Variants in FMNL2 observed in about 807,000 individuals in gnomAD.
The protein encoded by FMNL2 is formin-like protein 2.
Under a neutral mutation model 130.2 loss-of-function variants are expected in FMNL2, and 51 were observed. The ratio of observed to expected loss-of-function variants is 0.39; its 90% CI spans 0.31 to 0.49. FMNL2 has a LOEUF of 0.49. Among genes scored for constraint, FMNL2 ranks in the 20% least tolerant of loss-of-function variants. The pLI is 0.85. For synonymous variants in FMNL2, 465 were observed against 467.1 expected, an observed-to-expected ratio of 1.00 and a Z score of 0.06; for missense variants, 977 against 1,316.2, an observed-to-expected ratio of 0.74 and a Z score of 3.99.
intron 1 of FMNL2, among the ~76,000 whole-genome samples, chr2:152,452,768 A>C (rs1040250817): frequency 6.6e-6 from 1 of 151,936 alleles, no homozygotes; most frequent in East Asian, 1.9e-4. Flanking sequence ...CGAGGGCCCG[A>C]TGGGGAGGGC....
intron 2 of FMNL2, among the ~76,000 whole-genome samples, chr2:152,532,611 ATT>A (rs58777501): frequency 9.2e-4 from 126 of 136,930 alleles, no homozygotes; most frequent in South Asian, 1.8e-3. Context: ...TTTTTTTCTT[ATT>A]TTTTTTTTTT....
intron 1 of FMNL2, among the ~76,000 whole-genome samples, chr2:152,402,216 A>G (rs945957278): frequency 3.3e-5 from 5 of 152,210 alleles, no homozygotes; most frequent in Middle Eastern, 3.4e-3. Context: ...TTGATCTTTT[A>G]AAAGCCCATA....
intron 1 of FMNL2, among the ~76,000 whole-genome samples, chr2:152,488,992 G>A (rs185660886): frequency 3.3e-4 from 51 of 152,254 alleles, no homozygotes; most frequent in African/African-American, 1.1e-3. Flanking sequence ...GATACCTTGA[G>A]CCCAGGAGGT....
chr2:152,601,019 G>A (rs887597969), intron 9 of FMNL2, among the ~76,000 whole-genome samples: 2 of 152,034 alleles, frequency 1.3e-5, no homozygotes, highest in Non-Finnish European at 2.9e-5. Flanking sequence ...AATTTTAGAC[G>A]TTCAAGAATA....
At chr2:152,548,943 G>A in intron 3 of FMNL2, 78 bp from the exon 4 acceptor site, 1 of 1,146,402 alleles carries the variant, frequency 8.7e-7, no homozygotes, top group Non-Finnish European at 1.2e-6. Context: ...TTCATATTGT[G>A]TTAAATTTAT....
At chr2:152,384,233 G>A (rs1684657584) in intron 1 of FMNL2, among the ~76,000 whole-genome samples, 1 of 152,142 alleles carries the variant, frequency 6.6e-6, no homozygotes, top group Admixed American at 6.5e-5. Context: ...TACTCAGGTT[G>A]GAAACAAGGA....
At position 152,399,441 on chromosome 2, in the gene FMNL2, A is replaced by G. The variant is rs190008520; in HGVS notation, c.117+63721A>G. 1.8e-3 allele frequency among the ~76,000 whole-genome samples: 281 copies of G among 152,292 alleles called. 1 individual carries two copies. The highest frequency in any genetic ancestry group is 6.4e-3 in the African/African-American group (265 of 41,576). ...GGACGTGGGTGAGGAGCAGCTTATT[A>G]AGTATTTTCTTCATAGTATTGAAAG... On this transcript the variant is annotated intron_variant, in intron 1 of 25. Transcript: ENST00000288670.
chr2:152,444,495 T>G (rs1467322710), intron 1 of FMNL2, among the ~76,000 whole-genome samples: 2 of 152,222 alleles, frequency 1.3e-5, no homozygotes, highest in African/African-American at 4.8e-5. Flanking sequence ...ACTACTTTCA[T>G]TTAGAGATAT....
At chr2:152,502,479 G>C (rs1011655456) in intron 1 of FMNL2, among the ~76,000 whole-genome samples, 4 of 152,222 alleles carry the variant, frequency 2.6e-5, no homozygotes, top group Non-Finnish European at 5.9e-5. Flanking sequence ...CTGAGGTCAG[G>C]AGTCTGAGAC....
chr2:152,540,640 A>G (rs975957030), intron 2 of FMNL2, among the ~76,000 whole-genome samples: 4 of 141,002 alleles, frequency 2.8e-5, no homozygotes, highest in Admixed American at 7.7e-5. Context: ...GAATTGAACA[A>G]TGAGATCACA....
At chr2:152,631,407 A>AAC (rs1490820494) in intron 20 of FMNL2, among the ~76,000 whole-genome samples, 1 of 151,744 alleles carries the variant, frequency 6.6e-6, no homozygotes, top group East Asian at 1.9e-4. Flanking sequence ...AAAAAAAAAA[A>AAC]AAAAAAAATA....
intron 4 of FMNL2, 77 bp downstream of exon 4, chr2:152,549,174 T>C: frequency 7.1e-6 from 7 of 991,334 alleles, no homozygotes; most frequent in South Asian, 3.9e-5. Context: ...ACCCAAAGAA[T>C]TGAGCTTCCT....
chr2:152,626,407 C>A, intron 16 of FMNL2, 118 bp from the exon 17 acceptor site: 2 of 789,740 alleles, frequency 2.5e-6, no homozygotes, highest in Non-Finnish European at 4.0e-6. Flanking sequence ...GAAGCCATGG[C>A]CAAAGACAAG....
chr2:152,473,931 G>C (rs1689992457), intron 1 of FMNL2, among the ~76,000 whole-genome samples: 1 of 152,138 alleles, frequency 6.6e-6, no homozygotes, highest in South Asian at 2.1e-4. Flanking sequence ...CTGGAGTGCA[G>C]TGACGCAATC....
At chr2:152,362,339 A>G (rs773825536) in intron 1 of FMNL2, among the ~76,000 whole-genome samples, 6 of 152,242 alleles carry the variant, frequency 3.9e-5, no homozygotes, top group Non-Finnish European at 8.8e-5. Flanking sequence ...AATGGGCACT[A>G]GGAGAATTAG....
intron 10 of FMNL2, among the ~76,000 whole-genome samples, chr2:152,609,489 C>A (rs947714919): frequency 6.6e-6 from 1 of 152,154 alleles, no homozygotes; most frequent in Non-Finnish European, 1.5e-5. Context: ...TAAGACATTT[C>A]TACCCTTTTT....
intron 1 of FMNL2, among the ~76,000 whole-genome samples, chr2:152,426,423 G>C (rs1323917871): frequency 1.3e-5 from 2 of 152,230 alleles, no homozygotes; most frequent in Non-Finnish European, 2.9e-5. Flanking sequence ...CACTTGCTTA[G>C]AGTTTTGTTC....
intron 1 of FMNL2, among the ~76,000 whole-genome samples, chr2:152,388,724 C>T (rs201958043): frequency 1.3e-5 from 2 of 152,292 alleles, no homozygotes; most frequent in East Asian, 3.9e-4. Context: ...AATACTATTG[C>T]AGGACCTTCT....
At chr2:152,462,476 G>A (rs187450871) in intron 1 of FMNL2, among the ~76,000 whole-genome samples, 76 of 152,228 alleles carry the variant, frequency 5.0e-4, no homozygotes, top group Admixed American at 4.2e-3. Context: ...CTAGTCATTC[G>A]GAGTTTACAA....
Sources: allele counts gnomAD v4.1 joint callset (sites outside exome capture counted in the v4.1 genomes callset), GRCh38; gene constraint gnomAD v4.1.1; transcripts MANE v1.5; gene names NCBI Gene and HGNC (gene_info 2026-07-23, HGNC 2026-07-21).